Variants in PHOX2A observed in about 807,000 individuals in gnomAD.
PHOX2A encodes the protein paired like homeobox 2A, also known as paired mesoderm homeobox protein 2A.
PHOX2A carries 10 observed loss-of-function variants against 16.4 expected under a neutral mutation model. The observed-to-expected ratio is 0.61, with a 90% CI of 0.38 to 1.04. The LOEUF (loss-of-function observed/expected upper bound fraction) is 1.04, where lower values mean the gene tolerates loss of function less well. Among genes scored for constraint, PHOX2A ranks in the 50% least tolerant of loss-of-function variants. PHOX2A has a pLI of 0.01. For missense variants in PHOX2A, 361 were observed against 419.4 expected, an observed-to-expected ratio of 0.86 and a Z score of 1.22; for synonymous variants, 219 against 203.8, an observed-to-expected ratio of 1.07 and a Z score of -0.64.
Position 72,239,219 on chromosome 11 carries a change from C to T in PHOX2A, c.*530G>A, listed in dbSNP as rs2135453145. The T allele has an allele frequency of 6.5e-6, 1 of 152,724 alleles. No homozygotes were observed. Among genetic ancestry groups the T allele is most frequent in the Non-Finnish European group, 1.5e-5 (1 of 68,374 alleles). 9.5% of individuals were successfully genotyped at this position (152,724 alleles called of 1,614,324 possible). The stretch of plus-strand genomic sequence containing the variant: ...CCAGGCAGCCCCTCCACTCCTCTAA[C>T]AGGTCCACCCTCTGTGCCAGACGGG... On this transcript the variant is annotated 3_prime_UTR_variant, in exon 3 of 3. Transcript: ENST00000298231.
chr11:72,240,266 A>G, intron 2 of PHOX2A, 68 bp from the exon 3 acceptor site: 1 of 1,517,888 alleles, frequency 6.6e-7, no homozygotes, highest in South Asian at 1.2e-5. Flanking sequence ...CCGCGGCCGC[A>G]AGGCTCGAGT....
At chr11:72,241,822 C>A (rs1327508888) in intron 1 of PHOX2A, among the ~76,000 whole-genome samples, 1 of 151,758 alleles carries the variant, frequency 6.6e-6, no homozygotes, top group African/African-American at 2.4e-5. Flanking sequence ...CCAGCCTTCC[C>A]ACCGGCTCTC....
chr11:72,242,153 C>T (rs544647844), intron 1 of PHOX2A, among the ~76,000 whole-genome samples: 42 of 152,114 alleles, frequency 2.8e-4, no homozygotes, highest in African/African-American at 1.0e-3. Flanking sequence ...TGCCCCCCAA[C>T]TCTCTTCCTA....
Position 72,241,312 on chromosome 11 carries a change from C to CGGGG in PHOX2A, c.218-27_218-24dup, listed in dbSNP as rs373067213. 24 of 402,006 alleles carry CGGGG rather than the reference C, an allele frequency of 6.0e-5. No homozygotes were observed. The African/African-American group carries it at 7.3e-4, about 12-fold the overall frequency. The allele number at this position is 402,006 out of a possible 1,614,324, so 24.9% of individuals were successfully genotyped here. The stretch of plus-strand genomic sequence containing the variant: ...GCACTGCGGGTGTGTGCAGGGGGGC[C>CGGGG]GGGGGGGGGGCAAAAAGGATGGGGG... On this transcript the variant is annotated intron_variant, in intron 1 of 2. Coordinates refer to ENST00000298231, the MANE Select transcript of PHOX2A (RefSeq NM_005169.4).
intron 1 of PHOX2A, among the ~76,000 whole-genome samples, chr11:72,241,958 T>C (rs1006647484): frequency 1.4e-5 from 2 of 146,180 alleles, no homozygotes; most frequent in Admixed American, 1.4e-4. Flanking sequence ...CTCTTCCTAA[T>C]CTTCCTCCAT....
Position 72,241,311 on chromosome 11 carries a change from C to CGG in PHOX2A, c.218-23_218-22insCC. 29 of 771,890 alleles carry CGG rather than the reference C, an allele frequency of 3.8e-5. No homozygotes were observed. The South Asian group carries it at 4.7e-4, about 12-fold the overall frequency. 47.8% of individuals were successfully genotyped at this position (771,890 alleles called of 1,614,324 possible). A position where few individuals can be genotyped will look rare whatever the true frequency, so the allele number is the denominator to read the frequency against. ...GGCACTGCGGGTGTGTGCAGGGGGG[C>CGG]CGGGGGGGGGGCAAAAAGGATGGGG... On this transcript the variant is annotated intron_variant, in intron 1 of 2. Transcript: ENST00000298231.
Position 72,244,010 on chromosome 11 carries a change from C to T in PHOX2A, c.-6G>A. ...TTGAGGTAGGAGTAGTCCATCGGCCCGGGGGGCGGGGGCGGGGGCCGGGCC... is the reference window on the plus strand; with the variant it reads ...TTGAGGTAGGAGTAGTCCATCGGCCTGGGGGGCGGGGGCGGGGGCCGGGCC... On this transcript the variant is annotated 5_prime_UTR_variant, in exon 1 of 3. Coordinates refer to ENST00000298231, the MANE Select transcript of PHOX2A (RefSeq NM_005169.4). 7 of 508,934 alleles carry T rather than the reference C, an allele frequency of 1.4e-5. No homozygotes were observed. Among genetic ancestry groups the T allele is most frequent in the Non-Finnish European group, 1.0e-5 (4 of 390,194 alleles). 31.5% of individuals were successfully genotyped at this position (508,934 alleles called of 1,614,324 possible).
Position 72,243,825 on chromosome 11 carries a change from G to T in PHOX2A, c.180C>A (p.Gly60=), listed in dbSNP as rs1949140694. 3 of 1,250,646 alleles carry T rather than the reference G, an allele frequency of 2.4e-6. No individual in the cohort carries two copies. The highest frequency in any genetic ancestry group is 3.2e-5 in the East Asian group (1 of 31,732). 77.5% of individuals were successfully genotyped at this position (1,250,646 alleles called of 1,614,324 possible). A position where few individuals can be genotyped will look rare whatever the true frequency, so the allele number is the denominator to read the frequency against. Residue 60 remains glycine, a synonymous_variant, in exon 1 of 3, where the codon GGC becomes GGA. Coordinates refer to ENST00000298231, the MANE Select transcript of PHOX2A (RefSeq NM_005169.4). ...GCGCGGGCTGGTGGTCGCGTAGGGC[G>T]CCAAGTGCGCAGTTGGAGGAGCCGA... ...PALGSSNCAL[G]ALRDHQPAPY...
At position 72,239,324 on chromosome 11, in the gene PHOX2A, G is replaced by C. The variant is rs2135453336; in HGVS notation, c.*425C>G. 6.3e-6 allele frequency: 1 copy of C among 158,028 alleles called. No homozygotes were observed. Among genetic ancestry groups the C allele is most frequent in the South Asian group, 2.0e-4 (1 of 4,888 alleles). The allele number at this position is 158,028 out of a possible 1,614,324, so 9.8% of individuals were successfully genotyped here. A position where few individuals can be genotyped will look rare whatever the true frequency, so the allele number is the denominator to read the frequency against. ...CCGGCGACCACCAGCCTCTGTACGG[G>C]TGGGCCCGAGGGGTGGGGCAGCGGG... On this transcript the variant is annotated 3_prime_UTR_variant, in exon 3 of 3. Transcript: ENST00000298231.
chr11:72,241,012 G>C, intron 2 of PHOX2A, 90 bp downstream of exon 2: 1 of 1,383,926 alleles, frequency 7.2e-7, no homozygotes, highest in East Asian at 2.4e-5. Context: ...GGCTGCATCT[G>C]CCTGTATTCC....
Position 72,244,136 on chromosome 11 carries a change from C to G in PHOX2A, c.-132G>C. 1 of 418,802 alleles carries G rather than the reference C, an allele frequency of 2.4e-6. No individual in the cohort carries two copies. The allele number at this position is 418,802 out of a possible 1,614,324, so 25.9% of individuals were successfully genotyped here. ...AGCTCTGAGCGCCCGAGAGTCCGCC[C>G]GCCCCGTCGCGGCCGCACTCAGCCC... is the stretch of plus-strand genomic sequence containing the variant. On this transcript the variant is annotated 5_prime_UTR_variant, in exon 1 of 3. Coordinates refer to ENST00000298231, the MANE Select transcript of PHOX2A (RefSeq NM_005169.4).
chr11:72,241,147 A>G lies in PHOX2A; in HGVS notation c.360T>C (p.Arg120=). 2 of 1,613,940 alleles carry G rather than the reference A, an allele frequency of 1.2e-6. No homozygotes were observed. Among genetic ancestry groups the G allele is most frequent in the Non-Finnish European group, 1.7e-6 (2 of 1,180,028 alleles). Residue 120 remains arginine (R), a synonymous_variant, in exon 2 of 3, where the codon CGT becomes CGC. Transcript: ENST00000298231. ...AETHYPDIYT[R]EELALKIDLT... ...GGTCGATCTTGAGCGCCAGCTCCTC[A>G]CGCGTGTAAATGTCGGGGTAGTGGG...
At chr11:72,241,466 A>C (rs1949120620) in intron 1 of PHOX2A, among the ~76,000 whole-genome samples, 177 bp from the exon 2 acceptor site, 1 of 151,914 alleles carries the variant, frequency 6.6e-6, no homozygotes, top group Non-Finnish European at 1.5e-5. Context: ...TACTCAATGG[A>C]GCCGGCGGGA....
At chr11:72,243,095 G>A (rs976912931) in intron 1 of PHOX2A, among the ~76,000 whole-genome samples, 1 of 152,218 alleles carries the variant, frequency 6.6e-6, no homozygotes, top group African/African-American at 2.4e-5. Flanking sequence ...GAGGTTGAGG[G>A]TTTGGACAGG....
chr11:72,239,582 C>T lies in PHOX2A; in HGVS notation c.*167G>A. The T allele has an allele frequency of 2.2e-6, 1 of 458,006 alleles. No individual in the cohort carries two copies. The highest frequency in any genetic ancestry group is 3.7e-6 in the Non-Finnish European group (1 of 272,930). The allele number at this position is 458,006 out of a possible 1,614,324, so 28.4% of individuals were successfully genotyped here. A position where few individuals can be genotyped will look rare whatever the true frequency, so the allele number is the denominator to read the frequency against. On this transcript the variant is annotated 3_prime_UTR_variant, in exon 3 of 3. Coordinates refer to ENST00000298231, the MANE Select transcript of PHOX2A (RefSeq NM_005169.4). ...GAGGGTGGGTGAGGACGAGAGTGGC[C>T]CTGACTTGGTCTCCAAAGTTGGGGA...
At position 72,240,213 on chromosome 11, in the gene PHOX2A, G is replaced by A. The variant is rs779566173; in HGVS notation, c.406-15C>T. 4 of 1,532,768 alleles carry A rather than the reference G, an allele frequency of 2.6e-6. No homozygotes were observed. The highest frequency in any genetic ancestry group is 3.5e-6 in the Non-Finnish European group (4 of 1,145,140). 94.9% of individuals were successfully genotyped at this position (1,532,768 alleles called of 1,614,324 possible). A position where few individuals can be genotyped will look rare whatever the true frequency, so the allele number is the denominator to read the frequency against. ...TGGAACCAGACCTGCGGGCACAGGG[G>A]CCAGTCAGCCTGGACGAGGGTCGGA... is the stretch of plus-strand genomic sequence containing the variant. On this transcript the variant is annotated splice_polypyrimidine_tract_variant and intron_variant, in intron 2 of 2. Coordinates refer to ENST00000298231, the MANE Select transcript of PHOX2A (RefSeq NM_005169.4).
rs1277449972 is a variant in PHOX2A, at chr11:72,244,125, G to A, written c.-121C>T. On this transcript the variant is annotated 5_prime_UTR_variant, in exon 1 of 3. Coordinates refer to ENST00000298231, the MANE Select transcript of PHOX2A (RefSeq NM_005169.4). ...GACCCGAGGCCAGCTCTGAGCGCCCGAGAGTCCGCCCGCCCCGTCGCGGCC... is the reference window on the plus strand; with the variant it reads ...GACCCGAGGCCAGCTCTGAGCGCCCAAGAGTCCGCCCGCCCCGTCGCGGCC... The A allele has an allele frequency of 2.3e-6, 1 of 441,608 alleles. No homozygotes were observed. Among genetic ancestry groups the A allele is most frequent in the Non-Finnish European group, 3.7e-6 (1 of 266,670 alleles). The allele number at this position is 441,608 out of a possible 1,614,324, so 27.4% of individuals were successfully genotyped here.
intron 1 of PHOX2A, 22 bp from the exon 2 acceptor site, chr11:72,241,311 C>CAGGGGGGGGGGGGGGGGGGGGG: frequency 3.9e-6 from 3 of 771,906 alleles, no homozygotes; most frequent in Non-Finnish European, 1.7e-6. Flanking sequence ...TGCAGGGGGG[C>CAGGGGGGGGGGGGGGGGGGGGG]CGGGGGGGGG....
At chr11:72,241,523 A>G (rs1185226606) in intron 1 of PHOX2A, among the ~76,000 whole-genome samples, 4 of 151,916 alleles carry the variant, frequency 2.6e-5, no homozygotes, top group Non-Finnish European at 5.9e-5. Context: ...AGAGCGGCCA[A>G]GGGGAAAGCA....
Sources: gnomAD v4.1 joint callset for allele counts (sites outside exome capture counted in the v4.1 genomes callset) on GRCh38, gnomAD v4.1.1 for gene constraint, MANE v1.5 for transcripts, NCBI Gene and HGNC (gene_info 2026-07-23, HGNC 2026-07-21) for gene names.